Variants in STRN3 observed in about 807,000 individuals in gnomAD.
STRN3 encodes the protein striatin 3, also known as striatin-3.
A neutral mutation model predicts 95.6 loss-of-function variants in STRN3; 29 were observed. That is an observed-to-expected ratio of 0.30 (90% CI 0.23 to 0.41). The LOEUF (loss-of-function observed/expected upper bound fraction) is 0.41, where lower values mean the gene tolerates loss of function less well. STRN3 is among the 10% of genes least tolerant of loss of function. The pLI is 1.00. For missense variants in STRN3, 890 were observed against 972.1 expected, an observed-to-expected ratio of 0.92 and a Z score of 1.12; for synonymous variants, 331 against 357.6, an observed-to-expected ratio of 0.93 and a Z score of 0.84.
chr14:30,960,193 A>C lies in STRN3; in HGVS notation c.283-3951T>G, dbSNP rs78980281. ...CAACATGGCAAAACTCTATCTCTACAAAATACAAAAATTAGACAGGTGTGG... is the reference window on the plus strand; with the variant it reads ...CAACATGGCAAAACTCTATCTCTACCAAATACAAAAATTAGACAGGTGTGG... On this transcript the variant is annotated intron_variant, in intron 1 of 17. Transcript: ENST00000357479. 3.8e-3 allele frequency among the ~76,000 whole-genome samples: 575 copies of C among 152,210 alleles called. 2 individuals carry two copies. Among genetic ancestry groups the C allele is most frequent in the African/African-American group, 0.013 (541 of 41,536 alleles).
intron 3 of STRN3, among the ~76,000 whole-genome samples, chr14:30,953,237 C>G (rs1172267919): frequency 1.3e-5 from 2 of 152,114 alleles, no homozygotes; most frequent in East Asian, 3.8e-4. Flanking sequence ...CCCATGTAAC[C>G]AGTACCTAGA....
intron 1 of STRN3, among the ~76,000 whole-genome samples, chr14:31,013,920 T>TTA (rs1883113472): frequency 7.6e-6 from 1 of 131,386 alleles, no homozygotes; most frequent in African/African-American, 2.8e-5. Context: ...TATTATTATT[T>TTA]GAGACAGAGT....
At chr14:31,025,856 C>A (rs780857936) in intron 1 of STRN3, 48 bp downstream of exon 1, 3 of 1,568,710 alleles carry the variant, frequency 1.9e-6, no homozygotes, top group Middle Eastern at 1.8e-4. Context: ...ACCCCCCGGC[C>A]GGGAACCCAG....
intron 3 of STRN3, among the ~76,000 whole-genome samples, chr14:30,952,131 A>AAG (rs1879677481): frequency 6.6e-6 from 1 of 151,930 alleles, no homozygotes; most frequent in African/African-American, 2.4e-5. Flanking sequence ...CAACAAAAAA[A>AAG]AAGAGTTTAA....
intron 13 of STRN3, among the ~76,000 whole-genome samples, chr14:30,907,968 T>C (rs992878309): frequency 6.6e-6 from 1 of 152,168 alleles, no homozygotes; most frequent in Non-Finnish European, 1.5e-5. Flanking sequence ...GCCTCATATT[T>C]CACTGAGAAA....
chr14:30,895,497 C>A lies in STRN3; in HGVS notation c.2308G>T (p.Glu770Ter). ...EITAHRKKLDESIYDVAFHSS... is the reference protein window; with the variant it reads ...EITAHRKKLD ...TGGAAAGCAACATCATAAATTGATT[C>A]ATCCAATTTCTTTCTGTGAGCTGTT... Residue 770 changes from glutamate to a stop codon, truncating the protein, a stop_gained, in exon 18 of 18, where the codon GAA becomes TAA. Coordinates refer to ENST00000357479, the MANE Select transcript of STRN3 (RefSeq NM_001083893.2). LOFTEE classifies it high-confidence loss of function. 6.2e-7 allele frequency: 1 copy of A among 1,614,046 alleles called. No homozygotes were observed. The highest frequency in any genetic ancestry group is 8.5e-7 in the Non-Finnish European group (1 of 1,179,972).
chr14:30,913,531 C>G lies in STRN3; in HGVS notation c.1367G>C (p.Ser456Thr). The part of the protein sequence containing the change: ...DLTVTNDADY[S>T]YDLPANKDAF... ...AAATAAAACTGCACTTACATCATAA[C>G]TATAGTCTGCATCATTTGTTACCGT... Residue 456 changes from serine (S) to threonine (T), a missense_variant, in exon 10 of 18, where the codon AGT becomes ACT. Physicochemically the swap from Ser to Thr is moderately conservative, Grantham distance 58. This residue lies in a region of STRN3 where 357 missense variants were observed against 422.8 expected (regional missense o/e 0.84). Transcript: ENST00000357479. 6.2e-7 allele frequency: 1 copy of G among 1,611,274 alleles called. No homozygotes were observed. The highest frequency in any genetic ancestry group is 8.5e-7 in the Non-Finnish European group (1 of 1,178,600).
intron 1 of STRN3, among the ~76,000 whole-genome samples, chr14:30,960,868 CAAAAAAAAAA>C (rs56227331): frequency 1.9e-4 from 9 of 47,618 alleles, no homozygotes; most frequent in Non-Finnish European, 3.3e-4. Context: ...GACTCCATCT[CAAAAAAAAAA>C]AAAAAAAAAA....
At chr14:30,928,674 T>C (rs1362758441) in intron 8 of STRN3, among the ~76,000 whole-genome samples, 1 of 152,092 alleles carries the variant, frequency 6.6e-6, no homozygotes, top group Non-Finnish European at 1.5e-5. Context: ...CCACTTCTGG[T>C]TTCCTTCACC....
chr14:30,910,238 T>G (rs986616455), intron 13 of STRN3, among the ~76,000 whole-genome samples: 2 of 152,222 alleles, frequency 1.3e-5, no homozygotes, highest in African/African-American at 4.8e-5. Flanking sequence ...TAGAGAAGGT[T>G]CTGCCTGTTA....
At chr14:30,971,844 T>C (rs1880845751) in intron 1 of STRN3, among the ~76,000 whole-genome samples, 1 of 152,200 alleles carries the variant, frequency 6.6e-6, no homozygotes, top group South Asian at 2.1e-4. Context: ...GGTGTACTTA[T>C]TCTTGTCGGG....
chr14:30,973,334 G>A (rs1472766161), intron 1 of STRN3, among the ~76,000 whole-genome samples: 1 of 151,340 alleles, frequency 6.6e-6, no homozygotes, highest in African/African-American at 2.4e-5. Context: ...CCCTTTAGGT[G>A]GGGGGGAGGG....
chr14:30,922,073 GAGAC>G (rs531436911), intron 8 of STRN3, among the ~76,000 whole-genome samples: 84 of 152,038 alleles, frequency 5.5e-4, no homozygotes, highest in African/African-American at 1.8e-3. Context: ...AAATTTTGTA[GAGAC>G]AGGGTCTCAC....
At chr14:30,910,941 G>T in intron 13 of STRN3, 100 bp downstream of exon 13, 1 of 1,314,722 alleles carries the variant, frequency 7.6e-7, no homozygotes, top group Non-Finnish European at 1.0e-6. Flanking sequence ...TAAATGAGGT[G>T]ACTAATATAG....
chr14:30,937,315 A>G (rs1215430331), intron 5 of STRN3, among the ~76,000 whole-genome samples: 2 of 152,166 alleles, frequency 1.3e-5, no homozygotes, highest in Non-Finnish European at 2.9e-5. Flanking sequence ...CCAGTCTCAA[A>G]ATGAAAACAA....
rs146282028 is a variant in STRN3, at chr14:30,899,664, C to T, written c.2137+2872G>A. 2.9e-3 allele frequency among the ~76,000 whole-genome samples: 449 copies of T among 152,244 alleles called. 2 individuals are homozygous for T. Among genetic ancestry groups the T allele is most frequent in the African/African-American group, 0.01 (428 of 41,540 alleles). ...ATATCCCCATACCTGTAACTTCCTACTACCACTTCCTTCACTTAAAAACCA... is the reference window on the plus strand; with the variant it reads ...ATATCCCCATACCTGTAACTTCCTATTACCACTTCCTTCACTTAAAAACCA... On this transcript the variant is annotated intron_variant, in intron 16 of 17. Coordinates refer to ENST00000357479, the MANE Select transcript of STRN3 (RefSeq NM_001083893.2).
chr14:30,959,010 A>G (rs1880056283), intron 1 of STRN3, among the ~76,000 whole-genome samples: 1 of 152,204 alleles, frequency 6.6e-6, no homozygotes, highest in East Asian at 1.9e-4. Context: ...ACGCTCAAGA[A>G]TTAAAAACAA....
intron 13 of STRN3, 33 bp downstream of exon 13, chr14:30,911,008 T>A (rs1239704453): frequency 6.5e-7 from 1 of 1,535,276 alleles, no homozygotes; most frequent in South Asian, 1.1e-5. Context: ...CTCCATTCAC[T>A]TAAAAAAAAT....
intron 1 of STRN3, among the ~76,000 whole-genome samples, chr14:30,979,032 TCAAAAA>T (rs758307056): frequency 4.8e-5 from 1 of 21,050 alleles, no homozygotes; most frequent in African/African-American, 2.4e-4. Flanking sequence ...AGACTCCATC[TCAAAAA>T]AAAAAAAAAA....
Sources: gnomAD v4.1 joint callset for allele counts (sites outside exome capture counted in the v4.1 genomes callset) on GRCh38, gnomAD v4.1.1 for gene constraint, gnomAD v4.1.1 regional missense constraint, MANE v1.5 for transcripts, NCBI Gene and HGNC (gene_info 2026-07-23, HGNC 2026-07-21) for gene names.